Variants in PRKAG2 observed in about 807,000 individuals in gnomAD.
PRKAG2 encodes the protein protein kinase AMP-activated non-catalytic subunit gamma 2.
In PRKAG2, 26 loss-of-function variants were observed where a neutral mutation model predicts 69.6. The ratio of observed to expected loss-of-function variants is 0.37; its 90% CI spans 0.27 to 0.52. The LOEUF (loss-of-function observed/expected upper bound fraction) is 0.52, where lower values mean the gene tolerates loss of function less well. Among genes scored for constraint, PRKAG2 ranks in the 20% least tolerant of loss-of-function variants. The pLI, the probability that PRKAG2 is intolerant of heterozygous loss-of-function variation, is 0.90. For missense variants in PRKAG2, 557 were observed against 740.0 expected, an observed-to-expected ratio of 0.75 and a Z score of 2.87; for synonymous variants, 293 against 285.0, an observed-to-expected ratio of 1.03 and a Z score of -0.28.
chr7:151,632,474 G>C lies in PRKAG2; in HGVS notation c.685-336C>G, dbSNP rs1824886510. On this transcript the variant is annotated intron_variant, in intron 4 of 15. Transcript: ENST00000287878. The surrounding 1 kb of genome is among the most constrained non-coding windows in gnomAD (Gnocchi z 4.2). Reference sequence around the variant, plus strand: ...CGAGGGCGGCAGCGCCTGGGCCCGGGGCGCCCCCCTCCGGCCGTGGCCCGC... The same window carrying C: ...CGAGGGCGGCAGCGCCTGGGCCCGGCGCGCCCCCCTCCGGCCGTGGCCCGC... The C allele has an allele frequency of 1.3e-6, 1 of 768,604 alleles. No individual in the cohort carries two copies. The highest frequency in any genetic ancestry group is 1.6e-6 in the Non-Finnish European group (1 of 632,638). The allele number at this position is 768,604 out of a possible 1,614,324, so 47.6% of individuals were successfully genotyped here. A position where few individuals can be genotyped will look rare whatever the true frequency, so the allele number is the denominator to read the frequency against.
intron 3 of PRKAG2, among the ~76,000 whole-genome samples, chr7:151,684,799 C>G (rs1420929685): frequency 1.3e-5 from 2 of 152,134 alleles, no homozygotes; most frequent in African/African-American, 4.8e-5. Flanking sequence ...TCCAGGCAGT[C>G]CTGGCCATAG....
At chr7:151,560,748 C>A in intron 14 of PRKAG2, 131 bp from the exon 15 acceptor site, 1 of 1,222,918 alleles carries the variant, frequency 8.2e-7, no homozygotes. Context: ...AGCAGTGAGA[C>A]ATCATCTCTA....
rs571402283 is a variant in PRKAG2 at position 151,719,594 on chromosome 7, C to A, written c.467-43957G>T. On this transcript the variant is annotated intron_variant, in intron 3 of 15. Coordinates refer to ENST00000287878, the MANE Select transcript of PRKAG2 (RefSeq NM_016203.4). This position sits in a 1 kb window ranked among gnomAD's most constrained non-coding sequence, Gnocchi z 5.2. ...TTCTGCCTCCTACCCTCATCCTTCC[C>A]GGGCAGTTCCCCCAGTGAGTCTGGT... Among the ~76,000 whole-genome samples, 1 of 152,136 alleles carries A rather than the reference C, an allele frequency of 6.6e-6. No homozygotes were observed. The highest frequency in any genetic ancestry group is 1.5e-5 in the Non-Finnish European group (1 of 68,030).
In PRKAG2 at chr7:151,565,864, C is replaced by T. The variant is rs373919593; in HGVS notation, c.1255G>A (p.Ala419Thr). The part of the protein sequence containing the change: ...QLFMSDMPKP[A>T]FMKQNLDELG... Reference sequence around the variant, plus strand: ...TCATCCAGGTTCTGCTTCATGAAGGCAGGCTTTGGCATATCAGACATCTAA... The same window carrying T: ...TCATCCAGGTTCTGCTTCATGAAGGTAGGCTTTGGCATATCAGACATCTAA... Residue 419 changes from alanine to threonine, a missense_variant, in exon 12 of 16, where the codon GCC (alanine) becomes ACC (threonine). Coordinates refer to ENST00000287878, the MANE Select transcript of PRKAG2 (RefSeq NM_016203.4). 5.6e-6 allele frequency: 9 copies of T among 1,613,640 alleles called. No homozygotes were observed. The highest frequency in any genetic ancestry group is 6.8e-6 in the Non-Finnish European group (8 of 1,179,648).
chr7:151,707,205 T>C (rs969610594), intron 3 of PRKAG2, among the ~76,000 whole-genome samples: 1 of 152,174 alleles, frequency 6.6e-6, no homozygotes, highest in East Asian at 1.9e-4. Flanking sequence ...CTGCCCAAAC[T>C]TGAGCTGCCG....
rs773149723 is a variant in PRKAG2 at position 151,807,773 on chromosome 7, C to T, written c.115-21232G>A. ...CTCGTGCATCCGAACCCTTCTCTGACTTGGCGGGTTATTGGATTAGCTACT... is the reference window on the plus strand; with the variant it reads ...CTCGTGCATCCGAACCCTTCTCTGATTTGGCGGGTTATTGGATTAGCTACT... On this transcript the variant is annotated intron_variant, in intron 1 of 15. Coordinates refer to ENST00000287878, the MANE Select transcript of PRKAG2 (RefSeq NM_016203.4). This position sits in a 1 kb window ranked among gnomAD's most constrained non-coding sequence, Gnocchi z 4.4. 5 of 364,248 alleles carry T rather than the reference C, an allele frequency of 1.4e-5. No individual in the cohort carries two copies. Among genetic ancestry groups the T allele is most frequent in the Non-Finnish European group, 2.7e-5 (5 of 182,140 alleles). The allele number at this position is 364,248 out of a possible 1,614,324, so 22.6% of individuals were successfully genotyped here.
chr7:151,805,325 G>A (rs115813192), intron 1 of PRKAG2, among the ~76,000 whole-genome samples: 8,216 of 152,220 alleles, frequency 0.054, 660 homozygotes, highest in African/African-American at 0.18. Context: ...ACAGCTGCAC[G>A]GCCAGCCCCA....
chr7:151,643,312 T>A (rs943868371), intron 4 of PRKAG2, among the ~76,000 whole-genome samples: 1 of 152,228 alleles, frequency 6.6e-6, no homozygotes, highest in Non-Finnish European at 1.5e-5. Context: ...CTTTGAAATA[T>A]GTTGTATTTA....
At chr7:151,786,328 TG>T in intron 2 of PRKAG2, 141 bp downstream of exon 2, 1 of 814,012 alleles carries the variant, frequency 1.2e-6, no homozygotes. Context: ...TGTCGCAGGA[TG>T]GGCTCGGTTA....
chr7:151,630,321 C>G (rs528058025), intron 5 of PRKAG2, among the ~76,000 whole-genome samples: 1 of 152,278 alleles, frequency 6.6e-6, no homozygotes. Context: ...GACACCAAAT[C>G]TGTGTTGAGA....
At chr7:151,692,368 T>C (rs558059938) in intron 3 of PRKAG2, among the ~76,000 whole-genome samples, 17 of 152,292 alleles carry the variant, frequency 1.1e-4, no homozygotes, top group African/African-American at 3.1e-4. Context: ...ATACTATATA[T>C]TTCCATTTAT....
At chr7:151,746,785 C>T (rs375301127) in intron 3 of PRKAG2, among the ~76,000 whole-genome samples, 36 of 152,296 alleles carry the variant, frequency 2.4e-4, no homozygotes, top group African/African-American at 6.7e-4. Flanking sequence ...CTGGGCTCCA[C>T]GATTCTGGCC....
At chr7:151,587,464 T>C (rs1036564166) in intron 6 of PRKAG2, among the ~76,000 whole-genome samples, 9 of 151,918 alleles carry the variant, frequency 5.9e-5, no homozygotes, top group African/African-American at 2.2e-4. Flanking sequence ...GACTATGGCA[T>C]GGAAAGGAGG....
chr7:151,638,762 A>G lies in PRKAG2; in HGVS notation c.685-6624T>C, dbSNP rs758224151. 5.3e-5 allele frequency among the ~76,000 whole-genome samples: 8 copies of G among 152,236 alleles called. No individual in the cohort carries two copies. The highest frequency in any genetic ancestry group is 1.0e-4 in the Non-Finnish European group (7 of 68,032). Reference sequence around the variant, plus strand: ...AAACTTAATCATAAAACAATTGCCAAAAAAGCACTCCTTTACGCACAGAGG... The same window carrying G: ...AAACTTAATCATAAAACAATTGCCAGAAAAGCACTCCTTTACGCACAGAGG... On this transcript the variant is annotated intron_variant, in intron 4 of 15. Coordinates refer to ENST00000287878, the MANE Select transcript of PRKAG2 (RefSeq NM_016203.4). This position sits in a 1 kb window ranked among gnomAD's most constrained non-coding sequence, Gnocchi z 4.3.
At chr7:151,712,083 C>T (rs368912340) in intron 3 of PRKAG2, among the ~76,000 whole-genome samples, 35 of 152,342 alleles carry the variant, frequency 2.3e-4, no homozygotes, top group African/African-American at 8.4e-4. Flanking sequence ...GGCAGAATGT[C>T]AGGTGCCACC....
In PRKAG2 at chr7:151,658,470, G is replaced by A. The variant is rs369390724; in HGVS notation, c.684+16950C>T. ...ATTGCACTCCAGCCTGGGTGACAGA[G>A]CAAGATTGTCGCAAAAAAAAAAAAA... is the stretch of plus-strand genomic sequence containing the variant. On this transcript the variant is annotated intron_variant, in intron 4 of 15. Transcript: ENST00000287878. Among the ~76,000 whole-genome samples, 72 of 127,996 alleles carry A rather than the reference G, an allele frequency of 5.6e-4. 1 individual carries two copies. The Middle Eastern group carries it at 0.018, about 31-fold the overall frequency. 84.0% of individuals were successfully genotyped at this position (127,996 alleles called of 152,430 possible).
At chr7:151,738,607 T>C (rs1235159573) in intron 3 of PRKAG2, among the ~76,000 whole-genome samples, 4 of 152,284 alleles carry the variant, frequency 2.6e-5, no homozygotes, top group Non-Finnish European at 5.9e-5. Context: ...ATGAGCGATC[T>C]GTGCTTTAAG....
At chr7:151,747,861 A>T (rs1318077365) in intron 3 of PRKAG2, among the ~76,000 whole-genome samples, 1 of 145,914 alleles carries the variant, frequency 6.9e-6, no homozygotes, top group African/African-American at 2.5e-5. Context: ...TTATAGCATC[A>T]CTCTCAGTGG....
At chr7:151,825,168 C>T (rs796243652) in intron 1 of PRKAG2, among the ~76,000 whole-genome samples, 1 of 152,088 alleles carries the variant, frequency 6.6e-6, no homozygotes, top group South Asian at 2.1e-4. Context: ...GAGCTGAGAT[C>T]GTGCCATTGT....
Sources: gnomAD v4.1 joint callset for allele counts (sites outside exome capture counted in the v4.1 genomes callset) on GRCh38, gnomAD v4.1.1 for gene constraint, Gnocchi (gnomAD v3.1) non-coding constraint, MANE v1.5 for transcripts, NCBI Gene and HGNC (gene_info 2026-07-23, HGNC 2026-07-21) for gene names.